The following IDI1 variants were observed in gnomAD, a reference collection of about 807,000 sequenced individuals.
IDI1 encodes the protein isopentenyl-diphosphate Delta-isomerase 1.
A neutral mutation model predicts 32.9 loss-of-function variants in IDI1; 23 were observed. The ratio of observed to expected loss-of-function variants is 0.70; its 90% confidence interval spans 0.50 to 0.99. The LOEUF is 0.99. IDI1 is among the 50% of genes least tolerant of loss of function. The pLI is 0.00. For missense variants in IDI1, 326 were observed against 351.9 expected (o/e 0.93, Z 0.59); for synonymous variants, 133 against 128.2 (o/e 1.04, Z -0.25).
chr10:1,055,892 T>A, the IDI1 span, among the ~76,000 whole-genome samples: 11 of 152,132 alleles, frequency 7.2e-5, no homozygotes, highest in African/African-American at 2.4e-4. Flanking sequence ...CACTGCAACC[T>A]CCGCCTCCCG....
Position 1,044,037 on chromosome 10 carries a change from G to T in IDI1, c.275C>A (p.Thr92Asn). 6.2e-7 allele frequency: 1 copy of T among 1,612,938 alleles called. No individual in the cohort carries two copies. Among genetic ancestry groups the T allele is most frequent in the East Asian group, 2.2e-5 (1 of 44,884 alleles). The change falls in exon 2 of 5, where the codon ACC (threonine) becomes AAC (asparagine). Residue 92 changes from threonine (T) to asparagine (N), a missense_variant. Around this residue, in one of 2 missense-constraint regions of IDI1, gnomAD observed 205 missense variants for 273.5 expected, o/e 0.75. Transcript: ENST00000381344. ...DENDNKIGAE[T>N]KKNCHLNENI... ...CTCGTTCAGGTGACAATTCTTCTTG[G>T]TCTCAGCTCCAATTTTATTGTCATT...
In IDI1 at chr10:1,048,905, G is replaced by T. The variant is rs747589389; in HGVS notation, c.99C>A (p.Arg33=). The T allele has an allele frequency of 6.2e-7, 1 of 1,606,218 alleles. No homozygotes were observed. The highest frequency in any genetic ancestry group is 1.1e-5 in the South Asian group (1 of 90,636). The stretch of plus-strand genomic sequence containing the variant: ...CACAGACAACCGCCGGTCCCGGATG[G>T]CGCCCGCTTTGAGCACAGTCTGCGG... ...VRAADCAQSG[R]HPGPAVVCGR... The change falls in exon 1 of 5, where the codon CGC becomes CGA. Residue 33 remains arginine (R), a synonymous_variant. Coordinates refer to ENST00000381344, the MANE Select transcript of IDI1 (RefSeq NM_004508.4).
intron 1 of IDI1, 153 bp from the exon 2 acceptor site, chr10:1,044,324 G>C (rs1832731887): frequency 3.4e-6 from 2 of 581,820 alleles, no homozygotes; most frequent in Non-Finnish European, 6.0e-6. Flanking sequence ...CGGCTGCTCA[G>C]CACTATCTGG....
At chr10:1,052,810 T>C (rs548267479), upstream of IDI1, among the ~76,000 whole-genome samples, 1 of 152,188 alleles carries the variant, frequency 6.6e-6, no homozygotes, top group African/African-American at 2.4e-5. Context: ...ACTAGCCCCC[T>C]AGCAAGGGTC....
At chr10:1,043,945 A>T in intron 2 of IDI1, 54 bp downstream of exon 2, 1 of 1,488,294 alleles carries the variant, frequency 6.7e-7, no homozygotes, top group Non-Finnish European at 9.2e-7. Flanking sequence ...TTCTCAGCAA[A>T]TCGGAAATGC....
chr10:1,043,793 G>T (rs1384989130), intron 2 of IDI1: 2 of 676,958 alleles, frequency 3.0e-6, no homozygotes, highest in Non-Finnish European at 5.4e-6. Flanking sequence ...TGAAGAAGCC[G>T]AGTAACAGGC....
At chr10:1,041,855 G>A (rs1287877471) in intron 4 of IDI1, among the ~76,000 whole-genome samples, 1 of 150,426 alleles carries the variant, frequency 6.6e-6, no homozygotes, top group Admixed American at 6.7e-5. Flanking sequence ...ACCCAAGCTG[G>A]AGTGCAATGG....
chr10:1,041,036 A>C lies in IDI1; in HGVS notation c.*151T>G. On this transcript the variant is annotated 3_prime_UTR_variant, in exon 5 of 5. Coordinates refer to ENST00000381344, the MANE Select transcript of IDI1 (RefSeq NM_004508.4). ...AGTTAGTTTTTTCCACACAAGTTTT[A>C]AAGTATCAGTGTATATAATACATTA... The C allele has an allele frequency of 1.9e-6, 1 of 531,546 alleles. No individual in the cohort carries two copies. The highest frequency in any genetic ancestry group is 3.3e-5 in the South Asian group (1 of 30,294). The allele number at this position is 531,546 out of a possible 1,614,324, so 32.9% of individuals were successfully genotyped here. A position where few individuals can be genotyped will look rare whatever the true frequency, so the allele number is the denominator to read the frequency against.
upstream of IDI1, among the ~76,000 whole-genome samples, chr10:1,049,878 C>A (rs1215415636): frequency 6.6e-6 from 1 of 152,150 alleles, no homozygotes; most frequent in Non-Finnish European, 1.5e-5. Context: ...GTCTGGAACT[C>A]CTGACCTCAA....
chr10:1,048,239 G>A, intron 1 of IDI1: 1 of 1,301,300 alleles, frequency 7.7e-7, no homozygotes, highest in Non-Finnish European at 1.0e-6. Context: ...AAATGAATAC[G>A]TCTATTTATG....
intron 1 of IDI1, chr10:1,048,468 T>G: frequency 8.0e-7 from 1 of 1,256,444 alleles, no homozygotes; most frequent in African/African-American, 1.6e-5. Context: ...GTCACGCTCG[T>G]GTTTCTGACG....
chr10:1,042,488 T>C, intron 4 of IDI1, 144 bp downstream of exon 4: 1 of 756,518 alleles, frequency 1.3e-6, no homozygotes, highest in Non-Finnish European at 2.3e-6. Context: ...AAATAATCTT[T>C]ATTCAAGATG....
rs1589051357 is a variant in IDI1 at position 1,043,816 on chromosome 10, G to T, written c.313+183C>A. 6.0e-6 allele frequency: 4 copies of T among 669,574 alleles called. No individual in the cohort carries two copies. The East Asian group carries it at 1.1e-4, about 18-fold the overall frequency. The allele number at this position is 669,574 out of a possible 1,614,324, so 41.5% of individuals were successfully genotyped here. ...CCGAGTAACAGGCATGAAGTGAAGAGAAATCGCTGTAACAGGAAGACAGCA... is the reference window on the plus strand; with the variant it reads ...CCGAGTAACAGGCATGAAGTGAAGATAAATCGCTGTAACAGGAAGACAGCA... On this transcript the variant is annotated intron_variant, in intron 2 of 4. Transcript: ENST00000381344.
Position 1,044,195 on chromosome 10 carries a change from G to A in IDI1, c.141-24C>T, listed in dbSNP as rs780325120. 3 of 1,564,656 alleles carry A rather than the reference G, an allele frequency of 1.9e-6. No homozygotes were observed. In the South Asian group the frequency reaches 3.4e-5, roughly 18 times the overall value. On this transcript the variant is annotated intron_variant, in intron 1 of 4. Coordinates refer to ENST00000381344, the MANE Select transcript of IDI1 (RefSeq NM_004508.4). ...CACTAATATTAAAGGAAAAGAGAAA[G>A]AAAGGCCATCATATATTTTTCTGAA...
At chr10:1,044,816 C>G (rs1337598891) in intron 1 of IDI1, among the ~76,000 whole-genome samples, 1 of 152,186 alleles carries the variant, frequency 6.6e-6, no homozygotes, top group African/African-American at 2.4e-5. Flanking sequence ...TCTAGATAAA[C>G]AGGAGAAGAC....
At chr10:1,045,726 CA>C in intron 1 of IDI1, among the ~76,000 whole-genome samples, 1 of 152,364 alleles carries the variant, frequency 6.6e-6, no homozygotes, top group Non-Finnish European at 1.5e-5. Flanking sequence ...TTTGGCCTCC[CA>C]AAGTGTTGAG....
At position 1,048,919 on chromosome 10, in the gene IDI1, C is replaced by A. The variant is rs770220277; in HGVS notation, c.85G>T (p.Ala29Ser). The change falls in exon 1 of 5, where the codon GCT becomes TCT. Residue 29 changes from alanine to serine, a missense_variant. Ala to Ser is a moderately conservative substitution (Grantham distance 99). Transcript: ENST00000381344. The part of the protein sequence containing the change: ...GQWAVRAADC[A>S]QSGRHPGPAV... ...GGTCCCGGATGGCGCCCGCTTTGAG[C>A]ACAGTCTGCGGCGCGCACCGCCCAC... 9 of 1,602,240 alleles carry A rather than the reference C, an allele frequency of 5.6e-6. No individual in the cohort carries two copies. The highest frequency in any genetic ancestry group is 3.3e-5 in the South Asian group (3 of 90,152).
At chr10:1,042,895 A>ATT in intron 3 of IDI1, 133 bp from the exon 4 acceptor site, 1 of 720,158 alleles carries the variant, frequency 1.4e-6, no homozygotes, top group Non-Finnish European at 2.3e-6. Flanking sequence ...ATGGGCTATC[A>ATT]GTAATTATTT....
At chr10:1,049,987 C>T (rs1832955605), upstream of IDI1, among the ~76,000 whole-genome samples, 1 of 152,164 alleles carries the variant, frequency 6.6e-6, no homozygotes, top group Admixed American at 6.5e-5. Context: ...AATGTATGCG[C>T]AGCTGAAGCG....
Sources: allele counts gnomAD v4.1 joint callset (sites outside exome capture counted in the v4.1 genomes callset), GRCh38; gene constraint gnomAD v4.1.1; regional missense constraint gnomAD v4.1.1; transcripts MANE v1.5; gene names NCBI Gene and HGNC (gene_info 2026-07-23, HGNC 2026-07-21).